The following LARGE1 variants were observed in gnomAD, a reference collection of about 807,000 sequenced individuals.
LARGE1 encodes xylosyl- and glucuronyltransferase LARGE1.
In LARGE1, 43 loss-of-function variants were observed where a neutral mutation model predicts 87.6. That is an observed-to-expected ratio of 0.49 (90% CI 0.38 to 0.63). The LOEUF (loss-of-function observed/expected upper bound fraction) is 0.63, where lower values mean the gene tolerates loss of function less well. Ranked by LOEUF, LARGE1 falls within the 30% of genes least tolerant of loss-of-function variation. LARGE1 has a pLI of 0.00. For synonymous variants in LARGE1, 434 were observed against 394.6 expected, an observed-to-expected ratio of 1.10 and a Z score of -1.18; for missense variants, 802 against 1,000.2, an observed-to-expected ratio of 0.80 and a Z score of 2.67.
intron 7 of LARGE1, among the ~76,000 whole-genome samples, chr22:33,398,979 T>A (rs2065845381): frequency 6.6e-6 from 1 of 152,190 alleles, no homozygotes; most frequent in Admixed American, 6.5e-5. Flanking sequence ...ACTTCTGCTT[T>A]TTTAAAAAAA....
At chr22:33,824,430 G>A (rs572782126) in intron 1 of LARGE1, among the ~76,000 whole-genome samples, 3 of 152,170 alleles carry the variant, frequency 2.0e-5, no homozygotes, top group Non-Finnish European at 4.4e-5. Flanking sequence ...CAGATCTTGT[G>A]AGAACTCATT....
rs921533094 is a variant in LARGE1, at chr22:33,770,591, A to G, written c.-82-9033T>C. On this transcript the variant is annotated intron_variant, in intron 1 of 14. Transcript: ENST00000397394. Reference sequence around the variant, plus strand: ...TCACAGCTACTCCGGAGGCTGAGGGAGGATGATCACTTGAGCAAAGGGTTT... The same window carrying G: ...TCACAGCTACTCCGGAGGCTGAGGGGGGATGATCACTTGAGCAAAGGGTTT... Among the ~76,000 whole-genome samples, 109 of 152,138 alleles carry G rather than the reference A, an allele frequency of 7.2e-4. 2 individuals are homozygous for G. The highest frequency in any genetic ancestry group is 5.6e-4 in the Non-Finnish European group (38 of 68,028).
At chr22:33,277,298 C>T (rs1279359541) in intron 13 of LARGE1, 43 bp from the exon 14 acceptor site, 1 of 1,580,760 alleles carries the variant, frequency 6.3e-7, no homozygotes, top group South Asian at 1.1e-5. Flanking sequence ...GGGAAGGAAG[C>T]CAAGCTCTCC....
the LARGE1 span, among the ~76,000 whole-genome samples, chr22:33,138,599 A>C: frequency 7.2e-5 from 11 of 151,998 alleles, no homozygotes; most frequent in Admixed American, 2.6e-4. Flanking sequence ...ATGTGCCACC[A>C]CGCCTGGCTA....
At chr22:33,899,231 C>T (rs967404324) in intron 1 of LARGE1, among the ~76,000 whole-genome samples, 4 of 152,276 alleles carry the variant, frequency 2.6e-5, no homozygotes, top group Admixed American at 6.5e-5. Context: ...ACATCAAACC[C>T]GCCTGATGGT....
chr22:33,349,737 C>T (rs1401166724), intron 9 of LARGE1, among the ~76,000 whole-genome samples: 1 of 152,186 alleles, frequency 6.6e-6, no homozygotes, highest in East Asian at 1.9e-4. Flanking sequence ...CAAGACATCT[C>T]TTTCAGCCAT....
At chr22:33,516,996 C>T (rs931262180) in intron 6 of LARGE1, among the ~76,000 whole-genome samples, 6 of 152,116 alleles carry the variant, frequency 3.9e-5, no homozygotes, top group African/African-American at 1.2e-4. Flanking sequence ...AAGGCAAACA[C>T]GCACTCTTAT....
At chr22:33,892,989 G>A (rs738987) in intron 1 of LARGE1, among the ~76,000 whole-genome samples, 67,817 of 152,148 alleles carry the variant, frequency 0.45, 16,926 homozygotes, top group East Asian at 0.99. Flanking sequence ...AAGGTGAATA[G>A]GTGACTTTGA....
chr22:33,921,065 C>T (rs1193869569), upstream of LARGE1, among the ~76,000 whole-genome samples: 1 of 150,382 alleles, frequency 6.6e-6, no homozygotes, highest in Admixed American at 6.6e-5. This position sits in a 1 kb window ranked among gnomAD's most constrained non-coding sequence, Gnocchi z 4.1. Context: ...GGGCTGGGTT[C>T]CGAGCGGGGG....
At chr22:33,152,742 C>A in the LARGE1 span, among the ~76,000 whole-genome samples, 1 of 151,996 alleles carries the variant, frequency 6.6e-6, no homozygotes, top group Admixed American at 6.6e-5. Context: ...TTTTATTTTG[C>A]AGTACTTTGA....
At chr22:33,718,630 G>A (rs1360970301) in intron 2 of LARGE1, among the ~76,000 whole-genome samples, 4 of 152,222 alleles carry the variant, frequency 2.6e-5, no homozygotes, top group Admixed American at 1.3e-4. Flanking sequence ...TTATGGTGAG[G>A]TGCCTTCCCT....
intron 3 of LARGE1, among the ~76,000 whole-genome samples, chr22:33,631,191 A>G (rs977953338): frequency 6.6e-6 from 1 of 151,714 alleles, no homozygotes; most frequent in African/African-American, 2.4e-5. Flanking sequence ...GGGTCTTGCT[A>G]TATTGTCCAG....
chr22:33,749,207 T>A (rs2084219005), intron 2 of LARGE1, among the ~76,000 whole-genome samples: 1 of 152,180 alleles, frequency 6.6e-6, no homozygotes, highest in Non-Finnish European at 1.5e-5. Flanking sequence ...CTCCGCCTCC[T>A]GGGTTCAAGC....
intron 11 of LARGE1, among the ~76,000 whole-genome samples, chr22:33,186,638 C>T (rs879760795): frequency 2.6e-5 from 4 of 152,022 alleles, no homozygotes; most frequent in Non-Finnish European, 5.9e-5. Flanking sequence ...TACTGGGAGT[C>T]CTAGCCAGTG....
At chr22:33,647,527 G>C (rs946806747) in intron 3 of LARGE1, among the ~76,000 whole-genome samples, 1 of 152,144 alleles carries the variant, frequency 6.6e-6, no homozygotes, top group South Asian at 2.1e-4. Flanking sequence ...TGTCAATCAA[G>C]CAGGCTGGGG....
intron 11 of LARGE1, among the ~76,000 whole-genome samples, chr22:33,259,979 C>A (rs1927534039): frequency 6.6e-6 from 1 of 152,226 alleles, no homozygotes; most frequent in Non-Finnish European, 1.5e-5. Context: ...ATGCTTATAA[C>A]CACCCTCAAC....
chr22:33,451,088 A>G (rs1017883450), intron 6 of LARGE1, among the ~76,000 whole-genome samples: 7 of 152,196 alleles, frequency 4.6e-5, no homozygotes, highest in African/African-American at 9.6e-5. Flanking sequence ...GCCAAGGACA[A>G]CACAGCTACA....
At chr22:33,640,491 C>T (rs906242370) in intron 3 of LARGE1, among the ~76,000 whole-genome samples, 9 of 151,950 alleles carry the variant, frequency 5.9e-5, no homozygotes, top group African/African-American at 2.2e-4. Flanking sequence ...TAAGTTATAC[C>T]GAAAGTCAAC....
chr22:33,575,743 A>G (rs2078333298), intron 5 of LARGE1, among the ~76,000 whole-genome samples: 1 of 152,202 alleles, frequency 6.6e-6, no homozygotes. Context: ...TTCTGCAAAC[A>G]TAAATAATTC....
Sources: gnomAD v4.1 joint callset for allele counts (sites outside exome capture counted in the v4.1 genomes callset) on GRCh38, gnomAD v4.1.1 for gene constraint, Gnocchi (gnomAD v3.1) non-coding constraint, MANE v1.5 for transcripts, NCBI Gene and HGNC (gene_info 2026-07-23, HGNC 2026-07-21) for gene names.